Variants in DOCK9 observed in about 807,000 individuals in gnomAD.
DOCK9 encodes dedicator of cytokinesis 9, also known as dedicator of cytokinesis protein 9.
A neutral mutation model predicts 263.3 loss-of-function variants in DOCK9; 89 were observed. The observed-to-expected ratio is 0.34, with a 90% CI of 0.28 to 0.40. The LOEUF (loss-of-function observed/expected upper bound fraction) is 0.40, where lower values mean the gene tolerates loss of function less well. Among genes scored for constraint, DOCK9 ranks in the 10% least tolerant of loss-of-function variants. The pLI is 1.00. For synonymous variants in DOCK9, 976 were observed against 973.1 expected, an observed-to-expected ratio of 1.00 and a Z score of -0.06; for missense variants, 2,140 against 2,603.4, an observed-to-expected ratio of 0.82 and a Z score of 3.87.
Position 98,860,501 on chromosome 13 carries a change from C to G in DOCK9, c.3601G>C (p.Ala1201Pro). ...AGMTVKDESL[A>P]LPAVNPLVTP... The stretch of plus-strand genomic sequence containing the variant: ...ACCAGCGGATTCACAGCTGGTAGAG[C>G]CAGGGATTCATCCTTCACAGTCTGT... The change falls in exon 33 of 53, where the codon GCT becomes CCT. Residue 1201 changes from alanine to proline, a missense_variant. By Grantham distance (27) the Ala-to-Pro change is conservative (BLOSUM62 -1). Coordinates refer to ENST00000682017, the MANE Select transcript of DOCK9 (RefSeq NM_001366683.2). 2 of 1,573,682 alleles carry G rather than the reference C, an allele frequency of 1.3e-6. No individual in the cohort carries two copies. Among genetic ancestry groups the G allele is most frequent in the Non-Finnish European group, 1.7e-6 (2 of 1,158,154 alleles).
chr13:98,893,281 T>C (rs753404836), intron 15 of DOCK9, among the ~76,000 whole-genome samples: 3 of 152,280 alleles, frequency 2.0e-5, no homozygotes, highest in Non-Finnish European at 4.4e-5. Context: ...AAAACTTTAG[T>C]AGTATTATTA....
upstream of DOCK9, among the ~76,000 whole-genome samples, chr13:98,981,746 G>A (rs1040723138): frequency 2.6e-5 from 4 of 152,146 alleles, no homozygotes; most frequent in Admixed American, 1.3e-4. Context: ...ACATGGCACC[G>A]CGTTTAACCT....
At chr13:98,887,747 T>C (rs1204884715) in intron 18 of DOCK9, among the ~76,000 whole-genome samples, 1 of 151,196 alleles carries the variant, frequency 6.6e-6, no homozygotes, top group Non-Finnish European at 1.5e-5. Context: ...AAGTTACCTA[T>C]AATCTACTGC....
intron 34 of DOCK9, among the ~76,000 whole-genome samples, chr13:98,854,350 T>C (rs2093648845): frequency 6.6e-6 from 1 of 151,594 alleles, no homozygotes; most frequent in Non-Finnish European, 1.5e-5. Flanking sequence ...AAAACAATAG[T>C]GGAAAAAAGA....
chr13:99,078,506 A>G (rs1481148581), intron 1 of DOCK9, among the ~76,000 whole-genome samples: 1 of 152,216 alleles, frequency 6.6e-6, no homozygotes, highest in Non-Finnish European at 1.5e-5. Flanking sequence ...AGCAGGTCAC[A>G]GGGATAGGGA....
In DOCK9 at chr13:98,920,970, C is replaced by G. The variant is rs2051883514; in HGVS notation, c.701G>C (p.Cys234Ser). The G allele has an allele frequency of 1.2e-6, 2 of 1,607,692 alleles. No individual in the cohort carries two copies. The highest frequency in any genetic ancestry group is 1.7e-6 in the Non-Finnish European group (2 of 1,176,890). ...CATATTTACCTGAACGACACCCATA[C>G]AGGAATCCAGAAATATTGATCCTTT... ...EPKGSIFLDSCMGVVQNNKVR... is the reference protein window; with the variant it reads ...EPKGSIFLDSSMGVVQNNKVR... The change falls in exon 7 of 53, where the codon TGT becomes TCT. Residue 234 changes from cysteine (C) to serine (S), a missense_variant. Transcript: ENST00000682017.
At chr13:98,889,433 C>G (rs2046288566) in intron 15 of DOCK9, among the ~76,000 whole-genome samples, 1 of 152,202 alleles carries the variant, frequency 6.6e-6, no homozygotes, top group Non-Finnish European at 1.5e-5. Context: ...CCATCAGGAA[C>G]TAGAAATCAT....
intron 34 of DOCK9, among the ~76,000 whole-genome samples, chr13:98,853,763 G>A (rs2093633102): frequency 6.6e-6 from 1 of 152,096 alleles, no homozygotes; most frequent in Non-Finnish European, 1.5e-5. Flanking sequence ...ACAAGCAGAA[G>A]GCACAGACCT....
At chr13:98,860,711 G>A (rs555016895) in intron 32 of DOCK9, among the ~76,000 whole-genome samples, 189 bp from the exon 33 acceptor site, 46 of 150,536 alleles carry the variant, frequency 3.1e-4, no homozygotes, top group African/African-American at 1.1e-3. Context: ...GGGGAGCAGG[G>A]GGCATGGGAT....
At chr13:98,879,091 C>A (rs1399152071) in intron 27 of DOCK9, among the ~76,000 whole-genome samples, 2 of 152,182 alleles carry the variant, frequency 1.3e-5, no homozygotes, top group Non-Finnish European at 2.9e-5. Context: ...CTCAGAGGAG[C>A]CCTGGAAACT....
chr13:98,827,608 C>T (rs186900675), intron 43 of DOCK9, among the ~76,000 whole-genome samples: 7 of 152,366 alleles, frequency 4.6e-5, no homozygotes, highest in East Asian at 1.9e-4. Flanking sequence ...GGCTGCTCCA[C>T]GTGCACGTGT....
chr13:98,868,040 T>C, intron 28 of DOCK9, 29 bp from the exon 29 acceptor site: 2 of 1,604,152 alleles, frequency 1.2e-6, no homozygotes, highest in Non-Finnish European at 1.7e-6. Flanking sequence ...AAAAAAGTTA[T>C]TTCAGGTCCA....
intron 45 of DOCK9, among the ~76,000 whole-genome samples, chr13:98,820,858 A>G (rs187850994): frequency 1.3e-3 from 205 of 152,308 alleles, no homozygotes; most frequent in African/African-American, 4.5e-3. Flanking sequence ...GCAGCCCAGC[A>G]AGTCCCAGCC....
intron 27 of DOCK9, among the ~76,000 whole-genome samples, chr13:98,873,586 C>G (rs1302902953): frequency 6.6e-6 from 1 of 152,218 alleles, no homozygotes; most frequent in Non-Finnish European, 1.5e-5. Context: ...GGCAGTGCAA[C>G]TTCTGGGTCA....
chr13:98,961,146 G>A (rs1255684084), intron 1 of DOCK9, among the ~76,000 whole-genome samples: 1 of 152,110 alleles, frequency 6.6e-6, no homozygotes, highest in Non-Finnish European at 1.5e-5. Context: ...TGCCCTCCAT[G>A]GGCTGTTAAG....
chr13:99,013,515 G>A (rs190302268), intron 1 of DOCK9, among the ~76,000 whole-genome samples: 2 of 152,308 alleles, frequency 1.3e-5, no homozygotes, highest in East Asian at 1.9e-4. Flanking sequence ...CAAAGAATAC[G>A]TCAGGTGAAG....
intron 2 of DOCK9, among the ~76,000 whole-genome samples, chr13:98,932,724 G>C (rs2054165337): frequency 6.6e-6 from 1 of 152,118 alleles, no homozygotes; most frequent in African/African-American, 2.4e-5. Flanking sequence ...TTCTTGCACT[G>C]TGTCTATCTT....
At chr13:99,017,647 G>A (rs1335043002) in intron 1 of DOCK9, among the ~76,000 whole-genome samples, 5 of 152,102 alleles carry the variant, frequency 3.3e-5, no homozygotes, top group Non-Finnish European at 7.3e-5. Flanking sequence ...AATCAGGAGT[G>A]TCCAATCTTT....
At chr13:99,049,537 A>T (rs1164373199) in intron 1 of DOCK9, among the ~76,000 whole-genome samples, 2 of 152,022 alleles carry the variant, frequency 1.3e-5, no homozygotes, top group Non-Finnish European at 2.9e-5. Flanking sequence ...TTTTTTTTTT[A>T]AACAGGGTCT....
Sources: allele counts gnomAD v4.1 joint callset (sites outside exome capture counted in the v4.1 genomes callset), GRCh38; gene constraint gnomAD v4.1.1; transcripts MANE v1.5; gene names NCBI Gene and HGNC (gene_info 2026-07-23, HGNC 2026-07-21).